VPS52: variants seen among roughly 807,000 people sequenced by gnomAD.
VPS52 encodes the protein VPS52 subunit of GARP complex, also known as vacuolar protein sorting-associated protein 52 homolog.
VPS52 carries 56 observed loss-of-function variants against 98.7 expected under a neutral mutation model. The ratio of observed to expected loss-of-function variants is 0.57; its 90% CI spans 0.46 to 0.71. The LOEUF is 0.71. VPS52 is among the 30% of genes least tolerant of loss of function. The probability of loss-of-function intolerance (pLI) is 0.00; values close to 1 mark genes in which losing one functional copy is unlikely to be tolerated. For synonymous variants in VPS52, 348 were observed against 346.4 expected (o/e 1.00, Z -0.05); for missense variants, 742 against 925.9 (o/e 0.80, Z 2.58).
chr6:33,270,010 C>A lies in VPS52; in HGVS notation c.217G>T (p.Ala73Ser). 6.2e-7 allele frequency: 1 copy of A among 1,614,148 alleles called. No individual in the cohort carries two copies. The highest frequency in any genetic ancestry group is 2.2e-5 in the East Asian group (1 of 44,882). ...GGGGAAAGCCTCACCGTTTTAAGAG[C>A]TTCCTTTACTAACTCATCCTCCAGA... ...ANLEDELVKE[A>S]LKTGVDLRHY... is the part of the protein sequence containing the mutation. Residue 73 changes from alanine (A) to serine (S), a missense_variant, in exon 3 of 20, where the codon GCT (alanine) becomes TCT (serine). By Grantham distance (99) the Ala-to-Ser change is moderately conservative. This residue lies in a region of VPS52 where 152 missense variants were observed against 132.6 expected (regional missense o/e 1.15). Transcript: ENST00000445902.
Position 33,271,634 on chromosome 6 carries a change from C to T in VPS52, c.42G>A (p.Leu14=). Reference sequence around the variant, plus strand: ...TATCTGAGGTCCCAGCCCGCAACACCAGTTCCCGGGCCGCAGCCGCCATGG... The same window carrying T: ...TATCTGAGGTCCCAGCCCGCAACACTAGTTCCCGGGCCGCAGCCGCCATGG... ...AATMAAAARE[L]VLRAGTSDME... The change falls in exon 1 of 20, where the codon CTG becomes CTA. Residue 14 remains leucine, a synonymous_variant. Coordinates refer to ENST00000445902, the MANE Select transcript of VPS52 (RefSeq NM_022553.6). 2 of 1,611,642 alleles carry T rather than the reference C, an allele frequency of 1.2e-6. No individual in the cohort carries two copies. The highest frequency in any genetic ancestry group is 1.7e-6 in the Non-Finnish European group (2 of 1,178,784).
chr6:33,264,800 T>C lies in VPS52; in HGVS notation c.1382A>G (p.Asp461Gly). The C allele has an allele frequency of 1.2e-6, 2 of 1,612,994 alleles. No homozygotes were observed. The highest frequency in any genetic ancestry group is 1.7e-6 in the Non-Finnish European group (2 of 1,179,990). The change falls in exon 13 of 20, where the codon GAT (aspartate) becomes GGT (glycine). Residue 461 changes from aspartate to glycine, a missense_variant. Transcript: ENST00000445902. ...CAGTGACCTGTCCAGGGCAGGAACA[T>C]CCCTCTTTGCTGCAATGTTACGGAA... ...LRFRNIAAKRDVPALDRYWEQ... is the reference protein window; with the variant it reads ...LRFRNIAAKRGVPALDRYWEQ...
rs527333584 is a variant in VPS52 at position 33,264,304 on chromosome 6, G to A, written c.1524+70C>T. Reference sequence around the variant, plus strand: ...TGGCCCATGACACAACTGTGACCTTGGCCAACCCCCACAATGATGCTTAGA... The same window carrying A: ...TGGCCCATGACACAACTGTGACCTTAGCCAACCCCCACAATGATGCTTAGA... On this transcript the variant is annotated intron_variant, in intron 14 of 19. Coordinates refer to ENST00000445902, the MANE Select transcript of VPS52 (RefSeq NM_022553.6). The A allele has an allele frequency of 6.3e-6, 10 of 1,591,932 alleles. No homozygotes were observed. The Admixed American group carries it at 1.7e-4, about 27-fold the overall frequency.
chr6:33,265,565 T>A (rs1764207254), intron 12 of VPS52, among the ~76,000 whole-genome samples: 3 of 152,162 alleles, frequency 2.0e-5, no homozygotes, highest in African/African-American at 7.2e-5. Context: ...AGAGACAAGG[T>A]CTTGCCGCAT....
intron 17 of VPS52, among the ~76,000 whole-genome samples, chr6:33,255,849 C>G (rs1171405215): frequency 1.3e-5 from 2 of 151,544 alleles, no homozygotes; most frequent in Non-Finnish European, 2.9e-5. Flanking sequence ...CAGGCAGATC[C>G]CCTCAAACTC....
chr6:33,256,463 C>CAA lies in VPS52; in HGVS notation c.1795-4494_1795-4493dup, dbSNP rs9280385. ...CTGAGTGACAGAGCAAAACCTGTCT[C>CAA]AAAAAAAAAAAAAAAAAAAAAAAAA... On this transcript the variant is annotated intron_variant, in intron 17 of 19. Transcript: ENST00000445902. Among the ~76,000 whole-genome samples, 54 of 83,734 alleles carry CAA rather than the reference C, an allele frequency of 6.4e-4. 5 individuals are homozygous for CAA. Among genetic ancestry groups the CAA allele is most frequent in the Admixed American group, 8.1e-4 (6 of 7,418 alleles). 54.9% of individuals were successfully genotyped at this position (83,734 alleles called of 152,430 possible).
intron 18 of VPS52, 22 bp from the exon 19 acceptor site, chr6:33,251,658 G>A: frequency 6.3e-7 from 1 of 1,581,102 alleles, no homozygotes; most frequent in Non-Finnish European, 8.7e-7. Context: ...AGGAAACAGT[G>A]TCAGAGAGGG....
At chr6:33,260,759 G>A (rs1763532817) in intron 17 of VPS52, among the ~76,000 whole-genome samples, 2 of 152,088 alleles carry the variant, frequency 1.3e-5, no homozygotes, top group African/African-American at 4.8e-5. Flanking sequence ...CAGCACTTTG[G>A]GAGGCTGAGG....
At chr6:33,271,903 A>T (rs538750256), upstream of VPS52, 12 of 1,093,680 alleles carry the variant, frequency 1.1e-5, no homozygotes, top group South Asian at 2.0e-4. Flanking sequence ...CTGTTCTCTT[A>T]CCTATGAACC....
At chr6:33,251,470 A>G (rs1562524095) in intron 19 of VPS52, 48 bp downstream of exon 19, 2 of 1,290,688 alleles carry the variant, frequency 1.5e-6, no homozygotes, top group East Asian at 2.3e-5. Flanking sequence ...GATGGGGAAA[A>G]TAATTAATGA....
chr6:33,257,387 G>C (rs1429906723), intron 17 of VPS52, among the ~76,000 whole-genome samples: 2 of 151,522 alleles, frequency 1.3e-5, no homozygotes, highest in Non-Finnish European at 1.5e-5. Flanking sequence ...TCTGGCCTTG[G>C]AGTAATAAGG....
chr6:33,251,726 C>G, intron 18 of VPS52, 90 bp from the exon 19 acceptor site: 3 of 1,406,274 alleles, frequency 2.1e-6, no homozygotes, highest in Non-Finnish European at 3.0e-6. Context: ...TCCTTATCAT[C>G]AAACCCTCTT....
intron 17 of VPS52, among the ~76,000 whole-genome samples, chr6:33,255,339 C>T (rs927361274): frequency 2.0e-5 from 3 of 152,032 alleles, no homozygotes; most frequent in Non-Finnish European, 4.4e-5. Flanking sequence ...GTGACAAATC[C>T]CAGCTGCTCT....
At chr6:33,263,414 C>CTCACTCACACACACACACAGAGAGAG in intron 17 of VPS52, 70 bp downstream of exon 17, 1 of 968,814 alleles carries the variant, frequency 1.0e-6, no homozygotes, top group Non-Finnish European at 1.5e-6. Context: ...CACACACACA[C>CTCACTCACACACACACACAGAGAGAG]AGAGAGAGAG....
At chr6:33,253,179 T>C (rs1762514266) in intron 17 of VPS52, among the ~76,000 whole-genome samples, 1 of 152,186 alleles carries the variant, frequency 6.6e-6, no homozygotes, top group African/African-American at 2.4e-5. Context: ...ATATGGATCC[T>C]GATTTGAACC....
intron 11 of VPS52, 106 bp from the exon 12 acceptor site, chr6:33,266,818 C>A (rs372067062): frequency 2.1e-6 from 3 of 1,408,074 alleles, no homozygotes; most frequent in Non-Finnish European, 2.9e-6. Flanking sequence ...AAGAGCTAGG[C>A]AGACCCTTCG....
At chr6:33,264,286 T>G in intron 14 of VPS52, 88 bp downstream of exon 14, 1 of 1,582,266 alleles carries the variant, frequency 6.3e-7, no homozygotes, top group Non-Finnish European at 8.6e-7. Context: ...GCGTGGCCCA[T>G]GACACAACTG....
chr6:33,262,535 A>G (rs900840611), intron 17 of VPS52, among the ~76,000 whole-genome samples: 2 of 152,222 alleles, frequency 1.3e-5, no homozygotes, highest in African/African-American at 4.8e-5. Context: ...ACCCAAAAGA[A>G]AGGAAATCAG....
rs754978628 is a variant in VPS52, at chr6:33,263,442, C to T, written c.1794+42G>A. ...AGAGAGAGAGAGAGAGAGCTGAAAACAGCACAGAAGGCTGTCTCTTCCCTT... is the reference window on the plus strand; with the variant it reads ...AGAGAGAGAGAGAGAGAGCTGAAAATAGCACAGAAGGCTGTCTCTTCCCTT... On this transcript the variant is annotated intron_variant, in intron 17 of 19. Transcript: ENST00000445902. 10 of 1,468,790 alleles carry T rather than the reference C, an allele frequency of 6.8e-6. No individual in the cohort carries two copies. In the East Asian group the frequency reaches 2.5e-4, roughly 37 times the overall value. 91.0% of individuals were successfully genotyped at this position (1,468,790 alleles called of 1,614,324 possible).
Sources: allele counts gnomAD v4.1 joint callset (sites outside exome capture counted in the v4.1 genomes callset), GRCh38; gene constraint gnomAD v4.1.1; regional missense constraint gnomAD v4.1.1; transcripts MANE v1.5; gene names NCBI Gene and HGNC (gene_info 2026-07-23, HGNC 2026-07-21).